The following TPST1 variants were observed in gnomAD, a reference collection of about 807,000 sequenced individuals.
The protein encoded by TPST1 is tyrosylprotein sulfotransferase 1, also known as protein-tyrosine sulfotransferase 1.
In TPST1, 20 loss-of-function variants were observed where a neutral mutation model predicts 34.8. The ratio of observed to expected loss-of-function variants is 0.57; its 90% CI spans 0.40 to 0.84. The LOEUF (loss-of-function observed/expected upper bound fraction) is 0.84. Ranked by LOEUF, TPST1 falls within the 40% of genes least tolerant of loss-of-function variation. The pLI is 0.00. For missense variants in TPST1, 353 were observed against 455.5 expected (o/e 0.78, Z 2.05); for synonymous variants, 152 against 159.4 (o/e 0.95, Z 0.35).
chr7:66,265,310 GAGACCAAAACAGGC>G (rs938910488), intron 2 of TPST1, among the ~76,000 whole-genome samples: 2 of 152,146 alleles, frequency 1.3e-5, no homozygotes, highest in Non-Finnish European at 2.9e-5. Context: ...AGAACTTTGG[GAGACCAAAACAGGC>G]AGGTCTCTTG....
chr7:66,333,256 C>A lies in TPST1; in HGVS notation c.1045-19249C>A, dbSNP rs545533798. Among the ~76,000 whole-genome samples, 7 of 152,304 alleles carry A rather than the reference C, an allele frequency of 4.6e-5. No individual in the cohort carries two copies. The South Asian group carries it at 8.3e-4, about 18-fold the overall frequency. ...TTTACTTTTATATTTGAATTATTTT[C>A]TTTGTAATGGTGTCTGTTGACAGCC... On this transcript the variant is annotated intron_variant, in intron 3 of 5. Transcript: ENST00000304842.
chr7:66,271,594 AT>A (rs1346953804), intron 2 of TPST1, among the ~76,000 whole-genome samples: 2 of 152,074 alleles, frequency 1.3e-5, no homozygotes, highest in Non-Finnish European at 2.9e-5. Context: ...ACTTTTTTAG[AT>A]TCTGCATATA....
chr7:66,341,828 T>C (rs1792245108), intron 3 of TPST1, among the ~76,000 whole-genome samples: 1 of 152,154 alleles, frequency 6.6e-6, no homozygotes, highest in African/African-American at 2.4e-5. Flanking sequence ...ATTAATATTC[T>C]TGTAGAGGTG....
Position 66,294,183 on chromosome 7 carries a change from C to G in TPST1, c.1044+7474C>G, listed in dbSNP as rs567111561. On this transcript the variant is annotated intron_variant, in intron 3 of 5. Transcript: ENST00000304842. ...ATTCTGTACCCATACTCTTCATTGC[C>G]TGGTCCCTGTCAACTGCAGTTTTTT... Among the ~76,000 whole-genome samples the G allele has an allele frequency of 5.6e-4, 86 of 152,276 alleles. 1 individual carries two copies. Among genetic ancestry groups the G allele is most frequent in the African/African-American group, 2.0e-3 (82 of 41,554 alleles).
chr7:66,231,603 G>T (rs1305575221), intron 1 of TPST1, among the ~76,000 whole-genome samples: 1 of 152,246 alleles, frequency 6.6e-6, no homozygotes, highest in Non-Finnish European at 1.5e-5. Flanking sequence ...CTCATTGCCC[G>T]GGGCCGGCAG....
chr7:66,303,076 C>T (rs921250790), intron 3 of TPST1, among the ~76,000 whole-genome samples: 1 of 152,178 alleles, frequency 6.6e-6, no homozygotes, highest in African/African-American at 2.4e-5. Context: ...CTCTTCTGTG[C>T]CACAGATCCT....
At chr7:66,307,464 T>A (rs1791448629) in intron 3 of TPST1, among the ~76,000 whole-genome samples, 1 of 152,172 alleles carries the variant, frequency 6.6e-6, no homozygotes. Context: ...AGCAGTACTG[T>A]TTAGAATGCC....
intron 3 of TPST1, among the ~76,000 whole-genome samples, chr7:66,313,307 C>T (rs1193592334): frequency 4.0e-5 from 6 of 151,886 alleles, no homozygotes; most frequent in Admixed American, 2.0e-4. Flanking sequence ...CCCAGCTACT[C>T]GGGAGGCTGA....
chr7:66,222,750 G>A (rs935400453), intron 1 of TPST1, among the ~76,000 whole-genome samples: 2 of 152,128 alleles, frequency 1.3e-5, no homozygotes, highest in Admixed American at 6.5e-5. Flanking sequence ...GTGCTGGGAG[G>A]TGAAGGTAAA....
intron 1 of TPST1, among the ~76,000 whole-genome samples, chr7:66,217,354 G>A (rs1562799323): frequency 1.3e-5 from 2 of 152,058 alleles, no homozygotes; most frequent in Admixed American, 6.6e-5. Context: ...TTTGCTTCAT[G>A]TATTTTAGGG....
chr7:66,318,411 A>G (rs1057018558), intron 3 of TPST1, among the ~76,000 whole-genome samples: 3 of 151,858 alleles, frequency 2.0e-5, no homozygotes, highest in African/African-American at 7.3e-5. Flanking sequence ...TACTTCTTGC[A>G]TCTAAGATCA....
Position 66,231,321 on chromosome 7 carries a change from G to A in TPST1, c.-101-9004G>A, listed in dbSNP as rs534044510. ...GCCCAGTGGATCCCGCACCGGGGCT[G>A]CATGTGGAGCTGCCTGCCAGTCCCA... On this transcript the variant is annotated intron_variant, in intron 1 of 5. Coordinates refer to ENST00000304842, the MANE Select transcript of TPST1 (RefSeq NM_003596.4). 3.4e-3 allele frequency among the ~76,000 whole-genome samples: 523 copies of A among 152,382 alleles called. 1 individual carries two copies. The highest frequency in any genetic ancestry group is 0.012 in the African/African-American group (495 of 41,590).
At chr7:66,205,287 C>T (rs1487902793), upstream of TPST1, 1 of 152,314 alleles carries the variant, frequency 6.6e-6, no homozygotes, top group Non-Finnish European at 1.5e-5. This position sits in a 1 kb window ranked among gnomAD's most constrained non-coding sequence, Gnocchi z 5.0. Context: ...TGTGATCCCG[C>T]CACCTCCCCG....
In TPST1 at chr7:66,223,916, G is replaced by A. The variant is rs540326202; in HGVS notation, c.-101-16409G>A. On this transcript the variant is annotated intron_variant, in intron 1 of 5. Transcript: ENST00000304842. ...TAACTTGAACCTTTACAGATGTTTT[G>A]CTTTAGTTTAACTTGTGCTCCTGTC... 2.6e-5 allele frequency among the ~76,000 whole-genome samples: 4 copies of A among 152,234 alleles called. No homozygotes were observed. In the South Asian group the frequency reaches 8.3e-4, roughly 32 times the overall value.
intron 4 of TPST1, among the ~76,000 whole-genome samples, chr7:66,356,154 C>T (rs964023103): frequency 4.6e-5 from 7 of 152,066 alleles, no homozygotes; most frequent in African/African-American, 9.7e-5. Flanking sequence ...CTCATAGAAC[C>T]TTCAGATTGA....
intron 1 of TPST1, among the ~76,000 whole-genome samples, chr7:66,224,342 C>T (rs767251616): frequency 3.3e-5 from 5 of 152,220 alleles, no homozygotes; most frequent in Non-Finnish European, 5.9e-5. Context: ...CAGATACAGA[C>T]TGGACTTTAG....
At chr7:66,221,589 A>G (rs1167986806) in intron 1 of TPST1, 2 of 152,226 alleles carry the variant, frequency 1.3e-5, no homozygotes, top group African/African-American at 4.8e-5. Flanking sequence ...TCTTGGTTGC[A>G]AATCGATTTG....
At chr7:66,262,800 A>T (rs1024550944) in intron 2 of TPST1, among the ~76,000 whole-genome samples, 6 of 152,154 alleles carry the variant, frequency 3.9e-5, no homozygotes, top group Non-Finnish European at 8.8e-5. Flanking sequence ...GAGATATTTT[A>T]AAAAATATAA....
At chr7:66,246,691 T>TACTATGTAGAA (rs1790157196) in intron 2 of TPST1, among the ~76,000 whole-genome samples, 3 of 152,248 alleles carry the variant, frequency 2.0e-5, no homozygotes, top group African/African-American at 7.2e-5. Flanking sequence ...AGACCAGGGC[T>TACTATGTAGAA]GCTTTGTCAG....
Sources: gnomAD v4.1 joint callset for allele counts (sites outside exome capture counted in the v4.1 genomes callset) on GRCh38, gnomAD v4.1.1 for gene constraint, Gnocchi (gnomAD v3.1) non-coding constraint, MANE v1.5 for transcripts, NCBI Gene and HGNC (gene_info 2026-07-23, HGNC 2026-07-21) for gene names.